Variants in TENT4A observed in about 807,000 individuals in gnomAD.
TENT4A encodes DNA polymerase kappa.
Under a neutral mutation model 72.8 loss-of-function variants are expected in TENT4A, and 7 were observed. The ratio of observed to expected loss-of-function variants is 0.10; its 90% confidence interval spans 0.05 to 0.18. The LOEUF (loss-of-function observed/expected upper bound fraction) is 0.18, where lower values mean the gene tolerates loss of function less well. Ranked by LOEUF, TENT4A falls within the 10% of genes least tolerant of loss-of-function variation. TENT4A has a pLI of 1.00. For missense variants in TENT4A, 831 were observed against 1,017.7 expected, an observed-to-expected ratio of 0.82 and a Z score of 2.50; for synonymous variants, 456 against 434.3, an observed-to-expected ratio of 1.05 and a Z score of -0.62.
At chr5:6,737,745 A>T (rs1741578280) in intron 2 of TENT4A, 112 bp downstream of exon 2, 1 of 1,216,448 alleles carries the variant, frequency 8.2e-7, no homozygotes, top group Non-Finnish European at 1.1e-6. Context: ...CGTTGGCCCG[A>T]GGCAGCAGTT....
At position 6,754,822 on chromosome 5, in the gene TENT4A, G is replaced by A. The variant is rs1446731976; in HGVS notation, c.2256G>A (p.Val752=). 6.2e-7 allele frequency: 1 copy of A among 1,608,618 alleles called. No individual in the cohort carries two copies. The highest frequency in any genetic ancestry group is 2.2e-5 in the East Asian group (1 of 44,650). ...CCCAAGGCGGCGGCTACAGCTCTGTGGGTAGCGGAGGTGTGCGGCCCCCTG... is the reference window on the plus strand; with the variant it reads ...CCCAAGGCGGCGGCTACAGCTCTGTAGGTAGCGGAGGTGTGCGGCCCCCTG... ...GHTQGGGYSS[V]GSGGVRPPVG... Residue 752 remains valine (V), a synonymous_variant, in exon 13 of 13, where the codon GTG becomes GTA. Coordinates refer to ENST00000230859, the MANE Select transcript of TENT4A (RefSeq NM_006999.6).
intron 7 of TENT4A, among the ~76,000 whole-genome samples, chr5:6,747,121 G>A (rs1268274556): frequency 1.3e-5 from 2 of 152,170 alleles, no homozygotes; most frequent in Non-Finnish European, 2.9e-5. Flanking sequence ...TAAACACATT[G>A]CTATTTATGA....
At chr5:6,744,559 G>A (rs553630135) in intron 6 of TENT4A, among the ~76,000 whole-genome samples, 1 of 152,304 alleles carries the variant, frequency 6.6e-6, no homozygotes, top group African/African-American at 2.4e-5. Flanking sequence ...ATTGTGCTGA[G>A]ATTACCGAAT....
In TENT4A at chr5:6,713,842, C is replaced by CCCGCCGCCGCCGCCGCCGCCGCCGCCG. The variant is rs541247870; in HGVS notation, c.-116_-115insGCCGCCGCCGCCGCCGCCGCCGCCGCC. ...GAGCAGGAGGCCGGGGCTCGGCCCG[C>CCCGCCGCCGCCGCCGCCGCCGCCGCCG]CCGCCGCCGCCGCCGCCGCCGCCGC... On this transcript the variant is annotated 5_prime_UTR_variant, in exon 1 of 13. Coordinates refer to ENST00000230859, the MANE Select transcript of TENT4A (RefSeq NM_006999.6). 6.4e-6 allele frequency: 1 copy of CCCGCCGCCGCCGCCGCCGCCGCCGCCG among 155,432 alleles called. No individual in the cohort carries two copies. Among genetic ancestry groups the CCCGCCGCCGCCGCCGCCGCCGCCGCCG allele is most frequent in the African/African-American group, 2.5e-5 (1 of 39,602 alleles). The allele number at this position is 155,432 out of a possible 1,614,324, so 9.6% of individuals were successfully genotyped here.
rs368268902 is a variant in TENT4A, at chr5:6,717,746, G to A, written c.716+3047G>A. Among the ~76,000 whole-genome samples the A allele has an allele frequency of 7.2e-5, 11 of 152,376 alleles. No individual in the cohort carries two copies. The East Asian group carries it at 2.1e-3, about 29-fold the overall frequency. On this transcript the variant is annotated intron_variant, in intron 1 of 12. Transcript: ENST00000230859. Reference sequence around the variant, plus strand: ...GAGATGTTGGGCAGGTGTTTGGACAGGCCCTGGGCCCTTTGCATCCCAGCC... The same window carrying A: ...GAGATGTTGGGCAGGTGTTTGGACAAGCCCTGGGCCCTTTGCATCCCAGCC...
intron 7 of TENT4A, among the ~76,000 whole-genome samples, chr5:6,747,350 T>G (rs1742160651): frequency 6.6e-6 from 1 of 152,208 alleles, no homozygotes. Flanking sequence ...GGGGAAGCCT[T>G]TCTTGTCACA....
intron 10 of TENT4A, 103 bp from the exon 11 acceptor site, chr5:6,750,936 C>T: frequency 7.7e-7 from 1 of 1,298,968 alleles, no homozygotes; most frequent in Non-Finnish European, 1.1e-6. Context: ...AATAACCTTT[C>T]ATAGCCAGCC....
rs565007982 is a variant in TENT4A, at chr5:6,720,472, C to G, written c.716+5773C>G. On this transcript the variant is annotated intron_variant, in intron 1 of 12. Coordinates refer to ENST00000230859, the MANE Select transcript of TENT4A (RefSeq NM_006999.6). Reference sequence around the variant, plus strand: ...CTCTGGCTTGGTGGTTACTACTGAACTCAGGCAGCCACTATAACCAGGAGA... The same window carrying G: ...CTCTGGCTTGGTGGTTACTACTGAAGTCAGGCAGCCACTATAACCAGGAGA... Among the ~76,000 whole-genome samples, 6 of 152,220 alleles carry G rather than the reference C, an allele frequency of 3.9e-5. No individual in the cohort carries two copies. In the South Asian group the frequency reaches 1.2e-3, roughly 32 times the overall value.
chr5:6,746,781 T>G (rs572242828), intron 7 of TENT4A, among the ~76,000 whole-genome samples: 2 of 152,364 alleles, frequency 1.3e-5, no homozygotes, highest in East Asian at 3.9e-4. Context: ...GACATGTATT[T>G]CTCCACTTTT....
chr5:6,739,432 G>T (rs1054050607), intron 3 of TENT4A, among the ~76,000 whole-genome samples: 2 of 152,198 alleles, frequency 1.3e-5, no homozygotes, highest in African/African-American at 4.8e-5. Context: ...CCTCAGCCTG[G>T]TTTGGGGGCA....
Position 6,714,145 on chromosome 5 carries a change from G to A in TENT4A, c.162G>A (p.Ala54=). The A allele has an allele frequency of 5.1e-6, 5 of 977,960 alleles. No individual in the cohort carries two copies. The highest frequency in any genetic ancestry group is 6.0e-6 in the Non-Finnish European group (5 of 827,052). The allele number at this position is 977,960 out of a possible 1,614,324, so 60.6% of individuals were successfully genotyped here. Residue 54 remains alanine, a synonymous_variant, in exon 1 of 13, where the codon GCG becomes GCA. Coordinates refer to ENST00000230859, the MANE Select transcript of TENT4A (RefSeq NM_006999.6). Reference sequence around the variant, plus strand: ...CGGCGCTGGACACGGCGGCCGCGGCGGGGGCGGCCGGGCGGGGCAGTGGCG... The same window carrying A: ...CGGCGCTGGACACGGCGGCCGCGGCAGGGGCGGCCGGGCGGGGCAGTGGCG... ...NSPALDTAAA[A]GAAGRGSGGL... is the part of the protein sequence containing the mutation.
intron 1 of TENT4A, among the ~76,000 whole-genome samples, chr5:6,723,634 G>A (rs1740767767): frequency 6.6e-6 from 1 of 152,234 alleles, no homozygotes; most frequent in Admixed American, 6.5e-5. Flanking sequence ...ACATGCGGGG[G>A]ATGGAACCTA....
At chr5:6,718,401 G>A (rs529361030) in intron 1 of TENT4A, among the ~76,000 whole-genome samples, 1 of 152,268 alleles carries the variant, frequency 6.6e-6, no homozygotes, top group Admixed American at 6.5e-5. Context: ...TGCTCAGCAG[G>A]GCCTGCTGCA....
chr5:6,743,613 C>G (rs779421202), intron 5 of TENT4A, 99 bp from the exon 6 acceptor site: 4 of 962,544 alleles, frequency 4.2e-6, no homozygotes, highest in African/African-American at 3.3e-5. Context: ...GCAAGAGGAT[C>G]GAGGAAACTT....
At chr5:6,729,061 C>G (rs1015295693) in intron 1 of TENT4A, among the ~76,000 whole-genome samples, 1 of 152,164 alleles carries the variant, frequency 6.6e-6, no homozygotes, top group Non-Finnish European at 1.5e-5. Flanking sequence ...ACACAATTTT[C>G]TGAATAATTG....
In TENT4A at chr5:6,750,453, T is replaced by C; in HGVS notation, c.1810T>C (p.Ser604Pro). The change falls in exon 10 of 13, where the codon TCT (serine) becomes CCT (proline). Residue 604 changes from serine (S) to proline (P), a missense_variant. Transcript: ENST00000230859. ...GTCGCTGTCCAGCCCCCAGCTCCTG[T>C]CTTCAGGCTCCTCGGCCTCTTCTGT... The part of the protein sequence containing the change: ...TLSLSSPQLL[S>P]SGSSASSVSS... 1 of 1,610,582 alleles carries C rather than the reference T, an allele frequency of 6.2e-7. No individual in the cohort carries two copies. The highest frequency in any genetic ancestry group is 8.5e-7 in the Non-Finnish European group (1 of 1,178,416).
At chr5:6,754,600 CAGAT>C in intron 12 of TENT4A, 147 bp from the exon 13 acceptor site, 3 of 481,924 alleles carry the variant, frequency 6.2e-6, no homozygotes, top group Non-Finnish European at 1.1e-5. Flanking sequence ...GCTTTTCTCT[CAGAT>C]GGAGGAGTTG....
intron 4 of TENT4A, among the ~76,000 whole-genome samples, chr5:6,741,894 G>T (rs2126640277): frequency 6.6e-6 from 1 of 152,296 alleles, no homozygotes; most frequent in South Asian, 2.1e-4. Context: ...TGGGGTGGAG[G>T]GTGGGGCATG....
intron 8 of TENT4A, 127 bp downstream of exon 8, chr5:6,748,717 T>A: frequency 1.0e-6 from 1 of 1,005,022 alleles, no homozygotes; most frequent in Non-Finnish European, 1.5e-6. Context: ...AGAATCTAGA[T>A]ATGTTGGTGA....
Sources: gnomAD v4.1 joint callset for allele counts (sites outside exome capture counted in the v4.1 genomes callset) on GRCh38, gnomAD v4.1.1 for gene constraint, MANE v1.5 for transcripts, NCBI Gene and HGNC (gene_info 2026-07-23, HGNC 2026-07-21) for gene names.